Variants in DOCK5 observed in about 807,000 individuals in gnomAD.
DOCK5 encodes dedicator of cytokinesis 5, also known as dedicator of cytokinesis protein 5.
Under a neutral mutation model 251.8 loss-of-function variants are expected in DOCK5, and 142 were observed. The observed-to-expected ratio is 0.56, with a 90% CI of 0.49 to 0.65. The LOEUF (loss-of-function observed/expected upper bound fraction) is 0.65. DOCK5 is among the 30% of genes least tolerant of loss of function. The pLI is 0.00. For missense variants in DOCK5, 2,111 were observed against 2,312.3 expected (o/e 0.91, Z 1.79); for synonymous variants, 842 against 835.5 (o/e 1.01, Z -0.13).
Position 25,342,383 on chromosome 8 carries a change from C to T in DOCK5, c.2511-18C>T, listed in dbSNP as rs201648268. On this transcript the variant is annotated intron_variant, in intron 24 of 51. Transcript: ENST00000276440. Reference sequence around the variant, plus strand: ...TGGCAGAACGAAGACACTACTAACCCTGAGGTTTCTCTCCCAGCGTGCTCT... The same window carrying T: ...TGGCAGAACGAAGACACTACTAACCTTGAGGTTTCTCTCCCAGCGTGCTCT... 10 of 1,563,056 alleles carry T rather than the reference C, an allele frequency of 6.4e-6. No homozygotes were observed. In the East Asian group the frequency reaches 2.1e-4, roughly 33 times the overall value.
intron 6 of DOCK5, among the ~76,000 whole-genome samples, chr8:25,295,614 T>C (rs1804599261): frequency 6.6e-6 from 1 of 152,058 alleles, no homozygotes; most frequent in Admixed American, 6.6e-5. Flanking sequence ...TATGACCATC[T>C]TAAGTTAAGG....
intron 38 of DOCK5, among the ~76,000 whole-genome samples, chr8:25,377,925 G>C (rs1240330050): frequency 8.6e-6 from 1 of 116,736 alleles, no homozygotes; most frequent in Non-Finnish European, 1.8e-5. Context: ...TTTTTTTTTT[G>C]GTAAATATGG....
chr8:25,332,387 A>G (rs1193065778), intron 19 of DOCK5, 39 bp downstream of exon 19: 1 of 1,477,966 alleles, frequency 6.8e-7, no homozygotes. Flanking sequence ...ACACATACCT[A>G]CATATATATA....
intron 16 of DOCK5, among the ~76,000 whole-genome samples, chr8:25,322,736 C>T (rs752683593): frequency 2.6e-5 from 4 of 152,192 alleles, no homozygotes; most frequent in African/African-American, 4.8e-5. Context: ...TAGGCACTTG[C>T]CTGTGGTCAC....
chr8:25,314,108 C>CTT (rs71214561), intron 13 of DOCK5, among the ~76,000 whole-genome samples: 90,526 of 115,174 alleles, frequency 0.79, 36,288 homozygotes, highest in Middle Eastern at 0.88. Context: ...GGACTCCCCT[C>CTT]TTTTTTTTTT....
Position 25,195,315 on chromosome 8 carries a change from A to G in DOCK5, c.43+10364A>G, listed in dbSNP as rs191547583. On this transcript the variant is annotated intron_variant, in intron 1 of 51. Transcript: ENST00000276440. The stretch of plus-strand genomic sequence containing the variant: ...GCTTTGTTGCCCAGGCTGGTCTTGA[A>G]CTCCTGGCCTCAAGTGATTCTCCTG... Among the ~76,000 whole-genome samples the G allele has an allele frequency of 1.3e-4, 17 of 132,148 alleles. No homozygotes were observed. The Admixed American group carries it at 1.3e-3, about 10-fold the overall frequency. The allele number at this position is 132,148 out of a possible 152,430, so 86.7% of individuals were successfully genotyped here.
At chr8:25,202,937 G>A (rs547296960) in intron 1 of DOCK5, among the ~76,000 whole-genome samples, 2 of 152,294 alleles carry the variant, frequency 1.3e-5, no homozygotes, top group African/African-American at 4.8e-5. Flanking sequence ...GCCACAGAAG[G>A]TGACACAGGG....
Position 25,382,665 on chromosome 8 carries a change from G to A in DOCK5, c.4027-9G>A. On this transcript the variant is annotated splice_polypyrimidine_tract_variant and intron_variant, in intron 39 of 51. Coordinates refer to ENST00000276440, the MANE Select transcript of DOCK5 (RefSeq NM_024940.8). ...ACCTCCCCTTGGAATGTCTTGTTTT[G>A]TTTTCCAGAAAAAAAGGGCCTCATT... 2 of 1,598,852 alleles carry A rather than the reference G, an allele frequency of 1.3e-6. No individual in the cohort carries two copies. Among genetic ancestry groups the A allele is most frequent in the Non-Finnish European group, 8.5e-7 (1 of 1,172,110 alleles).
rs148369439 is a variant in DOCK5 at position 25,243,372 on chromosome 8, C to T, written c.44-302C>T. 1.7e-3 allele frequency among the ~76,000 whole-genome samples: 250 copies of T among 151,424 alleles called. 1 individual carries two copies. Among genetic ancestry groups the T allele is most frequent in the African/African-American group, 5.8e-3 (240 of 41,232 alleles). ...TTGAGACGGAGTCTCATTTTATCAC[C>T]CAGGCTGGTGTGCAGTGGCGTGATC... On this transcript the variant is annotated intron_variant, in intron 1 of 51. Coordinates refer to ENST00000276440, the MANE Select transcript of DOCK5 (RefSeq NM_024940.8).
At chr8:25,332,808 C>G in intron 20 of DOCK5, 116 bp downstream of exon 20, 1 of 765,086 alleles carries the variant, frequency 1.3e-6, no homozygotes, top group Non-Finnish European at 2.0e-6. Context: ...GTTTACATCT[C>G]TCTGGTTATT....
intron 1 of DOCK5, among the ~76,000 whole-genome samples, chr8:25,199,597 G>T (rs1210499208): frequency 1.3e-5 from 2 of 151,304 alleles, no homozygotes; most frequent in Non-Finnish European, 3.0e-5. Context: ...TGGCCAAGCT[G>T]GTCTTGAACT....
intron 46 of DOCK5, 65 bp downstream of exon 46, chr8:25,400,059 G>A: frequency 7.4e-7 from 1 of 1,348,492 alleles, no homozygotes. Context: ...TTATTCTCCA[G>A]GGCTTAAGTC....
intron 13 of DOCK5, among the ~76,000 whole-genome samples, chr8:25,314,215 A>T (rs1398593317): frequency 2.0e-5 from 3 of 150,050 alleles, no homozygotes; most frequent in Non-Finnish European, 4.4e-5. Flanking sequence ...AGGCTCAAGC[A>T]GTCCTCCCAC....
chr8:25,216,174 GTGCATACAATA>G (rs750578024), intron 1 of DOCK5, among the ~76,000 whole-genome samples: 4,030 of 139,654 alleles, frequency 0.029, 231 homozygotes, highest in South Asian at 0.038. Flanking sequence ...TATACAATAT[GTGCATACAATA>G]TGTATATATG....
At chr8:25,378,574 C>T (rs377543826) in intron 38 of DOCK5, among the ~76,000 whole-genome samples, 5 of 152,160 alleles carry the variant, frequency 3.3e-5, no homozygotes, top group Non-Finnish European at 5.9e-5. Context: ...GGAGGTGACC[C>T]GATGCTGCAA....
In DOCK5 at chr8:25,315,872, C is replaced by T. The variant is rs539175199; in HGVS notation, c.1319-1135C>T. On this transcript the variant is annotated intron_variant, in intron 13 of 51. Coordinates refer to ENST00000276440, the MANE Select transcript of DOCK5 (RefSeq NM_024940.8). ...TTTCCAGTTGAGGAAATGATGAAAA[C>T]GATCAGTGCTCTAAATATGCACTCC... Among the ~76,000 whole-genome samples the T allele has an allele frequency of 5.9e-5, 9 of 152,232 alleles. No individual in the cohort carries two copies. The East Asian group carries it at 1.2e-3, about 20-fold the overall frequency.
intron 27 of DOCK5, among the ~76,000 whole-genome samples, chr8:25,354,256 T>C (rs1337500332): frequency 6.6e-6 from 1 of 152,112 alleles, no homozygotes; most frequent in African/African-American, 2.4e-5. Context: ...CTGATATACT[T>C]TTAGAGTATT....
intron 20 of DOCK5, among the ~76,000 whole-genome samples, chr8:25,333,516 G>A (rs1408008228): frequency 6.6e-6 from 1 of 152,198 alleles, no homozygotes; most frequent in Non-Finnish European, 1.5e-5. Context: ...ACAGATTCCT[G>A]AGGGACATAG....
chr8:25,230,238 T>C (rs1302709417), intron 1 of DOCK5, among the ~76,000 whole-genome samples: 1 of 152,178 alleles, frequency 6.6e-6, no homozygotes, highest in South Asian at 2.1e-4. Flanking sequence ...TTTTGCAATG[T>C]CATCTCTGAA....
Sources: allele counts gnomAD v4.1 joint callset (sites outside exome capture counted in the v4.1 genomes callset), GRCh38; gene constraint gnomAD v4.1.1; transcripts MANE v1.5; gene names NCBI Gene and HGNC (gene_info 2026-07-23, HGNC 2026-07-21).